The following ASS1 variants were observed in gnomAD, a reference collection of about 807,000 sequenced individuals.
The protein encoded by ASS1 is argininosuccinate synthase 1, also known as argininosuccinate synthase.
A neutral mutation model predicts 60.5 loss-of-function variants in ASS1; 58 were observed. That is an observed-to-expected ratio of 0.96 (90% confidence interval 0.78 to 1.19). The LOEUF is 1.19. Among genes scored for constraint, ASS1 ranks in the 50% most tolerant of loss-of-function variants. The pLI is 0.00. For missense variants in ASS1, 454 were observed against 547.3 expected (o/e 0.83, Z 1.70); for synonymous variants, 200 against 206.9 (o/e 0.97, Z 0.29).
At chr9:130,486,989 G>T (rs1242298466) in intron 11 of ASS1, among the ~76,000 whole-genome samples, 1 of 151,362 alleles carries the variant, frequency 6.6e-6, no homozygotes, top group Non-Finnish European at 1.5e-5. Flanking sequence ...GAGACCCCGG[G>T]GCCGGGCCCA....
chr9:130,462,423 G>A (rs912718104), intron 4 of ASS1, among the ~76,000 whole-genome samples: 19 of 152,208 alleles, frequency 1.2e-4, no homozygotes, highest in African/African-American at 4.6e-4. Flanking sequence ...GGGGTTCAGA[G>A]GGGGAAGGAT....
intron 12 of ASS1, among the ~76,000 whole-genome samples, chr9:130,493,154 T>C (rs1846490992): frequency 6.6e-6 from 1 of 152,026 alleles, no homozygotes; most frequent in Non-Finnish European, 1.5e-5. Flanking sequence ...TCGGGGTGTG[T>C]TGGAAAAAGC....
Position 130,479,762 on chromosome 9 carries a change from G to C in ASS1, c.735G>C (p.Gln245His). ...VTNVKDGTTH[Q>H]TSLELFMYLN... ...ACGTCAAGGATGGCACCACCCACCA[G>C]ACCTCCTTGGAGCTCTTCATGTACC... The change falls in exon 10 of 15, where the codon CAG (glutamine) becomes CAC (histidine). Residue 245 changes from glutamine (Q) to histidine (H), a missense_variant. Coordinates refer to ENST00000352480, the MANE Select transcript of ASS1 (RefSeq NM_054012.4). 6.2e-7 allele frequency: 1 copy of C among 1,614,206 alleles called. No homozygotes were observed. Among genetic ancestry groups the C allele is most frequent in the Non-Finnish European group, 8.5e-7 (1 of 1,180,016 alleles).
At chr9:130,495,786 G>A (rs1409011602) in intron 13 of ASS1, among the ~76,000 whole-genome samples, 2 of 152,266 alleles carry the variant, frequency 1.3e-5, no homozygotes, top group Non-Finnish European at 2.9e-5. Flanking sequence ...ATAGCAGCAG[G>A]CGAATGTGAC....
chr9:130,477,795 G>T lies in ASS1; in HGVS notation c.688+834G>T, dbSNP rs993541057. On this transcript the variant is annotated intron_variant, in intron 9 of 14. Coordinates refer to ENST00000352480, the MANE Select transcript of ASS1 (RefSeq NM_054012.4). This position sits in a 1 kb window ranked among gnomAD's most constrained non-coding sequence, Gnocchi z 4.2. ...GCACAGGGGCACCCAAGGACCAGGC[G>T]GGGGGCTGGCCCATTCGTCCACAAA... is the stretch of plus-strand genomic sequence containing the variant. 6.6e-6 allele frequency among the ~76,000 whole-genome samples: 1 copy of T among 152,164 alleles called. No individual in the cohort carries two copies. The highest frequency in any genetic ancestry group is 2.4e-5 in the African/African-American group (1 of 41,446).
At position 130,489,559 on chromosome 9, in the gene ASS1, G is replaced by T; in HGVS notation, c.970+95G>T. The T allele has an allele frequency of 6.3e-7, 1 of 1,585,278 alleles. No homozygotes were observed. Among genetic ancestry groups the T allele is most frequent in the South Asian group, 1.1e-5 (1 of 90,356 alleles). On this transcript the variant is annotated intron_variant, in intron 12 of 14. Coordinates refer to ENST00000352480, the MANE Select transcript of ASS1 (RefSeq NM_054012.4). This position sits in a 1 kb window ranked among gnomAD's most constrained non-coding sequence, Gnocchi z 4.1. The stretch of plus-strand genomic sequence containing the variant: ...GGGCCTGGCCCTCCCCTCCGTATCA[G>T]CACCTTCCTCCCCTGCCGCCCACTG...
rs560183678 is a variant in ASS1, at chr9:130,494,734, C to T, written c.971-133C>T. 3.4e-6 allele frequency: 4 copies of T among 1,182,756 alleles called. No homozygotes were observed. The highest frequency in any genetic ancestry group is 1.9e-5 in the Admixed American group (1 of 52,388). The allele number at this position is 1,182,756 out of a possible 1,614,324, so 73.3% of individuals were successfully genotyped here. The stretch of plus-strand genomic sequence containing the variant: ...CAGCCACTGGCAAGCGCACATTGTG[C>T]CAGTCTCGCGGGAGGCAGTCATGGT... On this transcript the variant is annotated intron_variant, in intron 12 of 14. Transcript: ENST00000352480. This position sits in a 1 kb window ranked among gnomAD's most constrained non-coding sequence, Gnocchi z 4.3.
chr9:130,500,911 AT>A, intron 14 of ASS1, 64 bp from the exon 15 acceptor site: 1 of 1,562,398 alleles, frequency 6.4e-7, no homozygotes, highest in African/African-American at 1.4e-5. Context: ...GCCTGAATTA[AT>A]TGAACCCAGT....
chr9:130,479,399 GGTGGAGC>G (rs1846107486), intron 9 of ASS1, among the ~76,000 whole-genome samples: 2 of 152,166 alleles, frequency 1.3e-5, no homozygotes, highest in Admixed American at 1.3e-4. Flanking sequence ...GTAAGACAAT[GGTGGAGC>G]GTGAAATTCA....
intron 4 of ASS1, among the ~76,000 whole-genome samples, chr9:130,461,074 G>A (rs1436886764): frequency 6.6e-6 from 1 of 152,088 alleles, no homozygotes; most frequent in African/African-American, 2.4e-5. Context: ...TGGATCGTGA[G>A]CTTCCTATCC....
chr9:130,465,056 A>ATTTT (rs796874986), intron 5 of ASS1, among the ~76,000 whole-genome samples: 4 of 120,140 alleles, frequency 3.3e-5, no homozygotes, highest in Non-Finnish European at 4.9e-5. Context: ...ATATATATAT[A>ATTTT]TTTTTTTTTT....
intron 11 of ASS1, among the ~76,000 whole-genome samples, chr9:130,480,679 G>T (rs1846149054): frequency 6.6e-6 from 1 of 152,266 alleles, no homozygotes; most frequent in Non-Finnish European, 1.5e-5. Flanking sequence ...CAAGGGCTGG[G>T]AGAGGCCCAG....
At chr9:130,458,373 T>G in intron 3 of ASS1, 28 bp from the exon 4 acceptor site, 1 of 1,611,960 alleles carries the variant, frequency 6.2e-7, no homozygotes, top group Non-Finnish European at 8.5e-7. Flanking sequence ...CTTGCCTACT[T>G]CTTCCTTCTG....
intron 3 of ASS1, among the ~76,000 whole-genome samples, chr9:130,457,815 G>T (rs932395542): frequency 6.6e-6 from 1 of 152,280 alleles, no homozygotes; most frequent in South Asian, 2.1e-4. Context: ...GTTTCATCTT[G>T]TTGGGGCTGA....
intron 10 of ASS1, 78 bp downstream of exon 10, chr9:130,479,878 T>C (rs1011529656): frequency 1.8e-5 from 26 of 1,457,948 alleles, no homozygotes; most frequent in Non-Finnish European, 2.1e-5. Context: ...TTGCAGCTAA[T>C]GGTTGTGGCT....
chr9:130,445,212 G>A (rs1356044192), intron 1 of ASS1: 5 of 984,826 alleles, frequency 5.1e-6, no homozygotes, highest in Non-Finnish European at 6.0e-6. Context: ...TCTGGAGCGT[G>A]GGGGACGCGG....
intron 8 of ASS1, among the ~76,000 whole-genome samples, chr9:130,474,005 CT>C (rs151006625): frequency 0.15 from 19,561 of 130,866 alleles, 2,255 homozygotes; most frequent in Non-Finnish European, 0.23. Flanking sequence ...CCCTCTCCCC[CT>C]AGCCCCCACC....
Position 130,478,413 on chromosome 9 carries a change from T to C in ASS1, c.689-1303T>C, listed in dbSNP as rs1846076241. On this transcript the variant is annotated intron_variant, in intron 9 of 14. Coordinates refer to ENST00000352480, the MANE Select transcript of ASS1 (RefSeq NM_054012.4). The surrounding 1 kb of genome is among the most constrained non-coding windows in gnomAD (Gnocchi z 4.7). The stretch of plus-strand genomic sequence containing the variant: ...GCGGAGGGTCCTGGGCACCAGGCTC[T>C]GGCAGCCCTGCCCGAGGACCAGGGC... Among the ~76,000 whole-genome samples the C allele has an allele frequency of 6.6e-6, 1 of 152,096 alleles. No homozygotes were observed. Among genetic ancestry groups the C allele is most frequent in the South Asian group, 2.1e-4 (1 of 4,826 alleles).
At chr9:130,462,395 C>T (rs1160590634) in intron 4 of ASS1, among the ~76,000 whole-genome samples, 1 of 152,154 alleles carries the variant, frequency 6.6e-6, no homozygotes, top group African/African-American at 2.4e-5. Flanking sequence ...CCAGGAGCTG[C>T]CCTGGTGCTG....
Sources: gnomAD v4.1 joint callset for allele counts (sites outside exome capture counted in the v4.1 genomes callset) on GRCh38, gnomAD v4.1.1 for gene constraint, Gnocchi (gnomAD v3.1) non-coding constraint, MANE v1.5 for transcripts, NCBI Gene and HGNC (gene_info 2026-07-23, HGNC 2026-07-21) for gene names.